NEK6: variants seen among roughly 807,000 people sequenced by gnomAD.
NEK6 encodes the protein NIMA related kinase 6.
NEK6 carries 27 observed loss-of-function variants against 43.5 expected under a neutral mutation model. That is an observed-to-expected ratio of 0.62 (90% confidence interval 0.46 to 0.86). The LOEUF (loss-of-function observed/expected upper bound fraction) is 0.86, where lower values mean the gene tolerates loss of function less well. Ranked by LOEUF, NEK6 falls within the 40% of genes least tolerant of loss-of-function variation. The pLI, the probability that NEK6 is intolerant of heterozygous loss-of-function variation, is 0.00. For synonymous variants in NEK6, 167 were observed against 164.1 expected, an observed-to-expected ratio of 1.02 and a Z score of -0.14; for missense variants, 318 against 414.4, an observed-to-expected ratio of 0.77 and a Z score of 2.02.
chr9:124,328,736 G>A (rs73584387), intron 7 of NEK6, among the ~76,000 whole-genome samples: 52 of 152,320 alleles, frequency 3.4e-4, no homozygotes, highest in African/African-American at 1.1e-3. Flanking sequence ...CTCTCAGCGC[G>A]TCACACACAC....
At position 124,353,258 on chromosome 9, in the gene NEK6, T is replaced by G. The variant is rs1355678743; in HGVS notation, c.*2311T>G. 1.5e-5 allele frequency: 4 copies of G among 270,284 alleles called. No homozygotes were observed. Among genetic ancestry groups the G allele is most frequent in the Non-Finnish European group, 2.8e-5 (4 of 144,592 alleles). The allele number at this position is 270,284 out of a possible 1,614,324, so 16.7% of individuals were successfully genotyped here. A position where few individuals can be genotyped will look rare whatever the true frequency, so the allele number is the denominator to read the frequency against. ...AAATTCAGCCAGCAAAAAGGGTAGG[T>G]ATCGATGGTCACCTGAAGCCTCAAG... On this transcript the variant is annotated 3_prime_UTR_variant, in exon 10 of 10. Transcript: ENST00000320246.
chr9:124,311,078 G>T (rs1412233513), intron 2 of NEK6, among the ~76,000 whole-genome samples: 1 of 152,188 alleles, frequency 6.6e-6, no homozygotes, highest in East Asian at 1.9e-4. Flanking sequence ...CCCCTGCTCC[G>T]CAGGCATCTC....
intron 1 of NEK6, among the ~76,000 whole-genome samples, chr9:124,281,487 CTTTTTTTTTTTTTTTTT>C (rs759381068): frequency 3.0e-4 from 31 of 102,926 alleles, no homozygotes; most frequent in Non-Finnish European, 5.1e-4. Flanking sequence ...GCTGTTTTTT[CTTTTTTTTTTTTTTTTT>C]TTTTTTTTTT....
intron 1 of NEK6, among the ~76,000 whole-genome samples, chr9:124,274,650 A>G (rs1379711555): frequency 3.3e-5 from 5 of 152,230 alleles, no homozygotes; most frequent in Admixed American, 2.0e-4. Flanking sequence ...GTGAGCAGAC[A>G]TCTGGAGGGT....
At chr9:124,282,210 C>G (rs774972486) in intron 1 of NEK6, among the ~76,000 whole-genome samples, 3 of 152,220 alleles carry the variant, frequency 2.0e-5, no homozygotes, top group Non-Finnish European at 4.4e-5. Context: ...GACAAAGCAC[C>G]TGCCGTGCCT....
At chr9:124,258,281 G>T in intron 1 of NEK6, 196 bp downstream of exon 1, 1 of 985,018 alleles carries the variant, frequency 1.0e-6, no homozygotes, top group South Asian at 4.6e-5. Context: ...GGGCGGGGGC[G>T]GCGTGTCCGC....
intron 3 of NEK6, among the ~76,000 whole-genome samples, chr9:124,313,599 C>G (rs1455436880): frequency 1.3e-5 from 2 of 152,172 alleles, no homozygotes; most frequent in Non-Finnish European, 2.9e-5. Context: ...AACTCCTGAC[C>G]TCAAGTGATC....
Position 124,271,643 on chromosome 9 carries a change from G to A in NEK6, c.-30+13558G>A, listed in dbSNP as rs140262135. ...GAAACTGAGATTTGAACCCAGGCCCGGCTGGCCCCAGAGTTAGTGCTCTTT... is the reference window on the plus strand; with the variant it reads ...GAAACTGAGATTTGAACCCAGGCCCAGCTGGCCCCAGAGTTAGTGCTCTTT... On this transcript the variant is annotated intron_variant, in intron 1 of 9. Coordinates refer to ENST00000320246, the MANE Select transcript of NEK6 (RefSeq NM_014397.6). 7.1e-4 allele frequency among the ~76,000 whole-genome samples: 108 copies of A among 152,342 alleles called. 1 individual carries two copies. Among genetic ancestry groups the A allele is most frequent in the African/African-American group, 2.4e-3 (98 of 41,586 alleles).
intron 1 of NEK6, among the ~76,000 whole-genome samples, chr9:124,276,299 C>T (rs1466076474): frequency 3.3e-5 from 5 of 152,094 alleles, no homozygotes; most frequent in African/African-American, 7.2e-5. Context: ...GGATGGGTGA[C>T]TGGGGCAAGG....
At chr9:124,257,850 G>A, upstream of NEK6, 7 of 1,084,440 alleles carry the variant, frequency 6.5e-6, no homozygotes, top group Non-Finnish European at 8.1e-6. Context: ...GGCGCCCCCC[G>A]CCCCTCAAGC....
chr9:124,299,418 C>T (rs1486292485), intron 1 of NEK6, among the ~76,000 whole-genome samples: 1 of 152,216 alleles, frequency 6.6e-6, no homozygotes, highest in African/African-American at 2.4e-5. Context: ...ATTCTGCTCT[C>T]TCTCATATTC....
At chr9:124,318,676 T>G (rs1301995281) in intron 4 of NEK6, among the ~76,000 whole-genome samples, 1 of 152,126 alleles carries the variant, frequency 6.6e-6, no homozygotes, top group African/African-American at 2.4e-5. Flanking sequence ...TTTTATTTAT[T>G]TATTTTTTAT....
chr9:124,307,945 C>T (rs1833340753), intron 2 of NEK6, among the ~76,000 whole-genome samples: 1 of 152,202 alleles, frequency 6.6e-6, no homozygotes, highest in South Asian at 2.1e-4. Flanking sequence ...GTCCCAGTCC[C>T]CGGGGAAGCA....
intron 1 of NEK6, among the ~76,000 whole-genome samples, chr9:124,296,522 C>T (rs1832696299): frequency 6.6e-6 from 1 of 152,188 alleles, no homozygotes; most frequent in Non-Finnish European, 1.5e-5. Flanking sequence ...CATTAGATGA[C>T]CCCTGATCAT....
chr9:124,325,315 C>T (rs181407082), intron 5 of NEK6, among the ~76,000 whole-genome samples: 4 of 152,300 alleles, frequency 2.6e-5, no homozygotes, highest in Admixed American at 1.3e-4. Flanking sequence ...CTCTTAGGCC[C>T]GGCATGGTGG....
intron 1 of NEK6, among the ~76,000 whole-genome samples, chr9:124,276,727 CTATTGTGGCTCGTTCATCA>C (rs1456915616): frequency 6.6e-6 from 1 of 152,234 alleles, no homozygotes; most frequent in African/African-American, 2.4e-5. Flanking sequence ...CCTCCTATTG[CTATTGTGGCTCGTTCATCA>C]GAGCACCCTT....
At chr9:124,319,005 T>C (rs1454135015) in intron 4 of NEK6, among the ~76,000 whole-genome samples, 1 of 151,022 alleles carries the variant, frequency 6.6e-6, no homozygotes, top group East Asian at 2.0e-4. Flanking sequence ...TTTTATTATT[T>C]TTAGAATCTC....
chr9:124,307,198 C>T lies in NEK6; in HGVS notation c.90+5144C>T, dbSNP rs1833297518. On this transcript the variant is annotated intron_variant, in intron 2 of 9. Transcript: ENST00000320246. ...CAAACATTTTAAACTCAAATTAGCG[C>T]AGGGTGGGGGGTGTTTGTGGCCTAA... 1.3e-5 allele frequency among the ~76,000 whole-genome samples: 2 copies of T among 151,560 alleles called. 1 individual carries two copies. The highest frequency in any genetic ancestry group is 4.2e-4 in the South Asian group (2 of 4,792).
At chr9:124,345,294 G>T (rs566364033) in intron 8 of NEK6, among the ~76,000 whole-genome samples, 4 of 152,306 alleles carry the variant, frequency 2.6e-5, no homozygotes, top group Non-Finnish European at 4.4e-5. Context: ...GTTGTAATCC[G>T]CGCAGCCCAG....
Sources: gnomAD v4.1 joint callset for allele counts (sites outside exome capture counted in the v4.1 genomes callset) on GRCh38, gnomAD v4.1.1 for gene constraint, MANE v1.5 for transcripts, NCBI Gene and HGNC (gene_info 2026-07-23, HGNC 2026-07-21) for gene names.